Variants in BAZ2B observed in about 807,000 individuals in gnomAD.
BAZ2B encodes bromodomain adjacent to zinc finger domain protein 2B.
BAZ2B carries 91 observed loss-of-function variants against 246.0 expected under a neutral mutation model. The ratio of observed to expected loss-of-function variants is 0.37; its 90% confidence interval spans 0.31 to 0.44. BAZ2B has a LOEUF of 0.44. BAZ2B is among the 20% of genes least tolerant of loss of function. The probability of loss-of-function intolerance (pLI) is 1.00; values close to 1 mark genes in which losing one functional copy is unlikely to be tolerated. For synonymous variants in BAZ2B, 855 were observed against 860.0 expected (o/e 0.99, Z 0.10); for missense variants, 2,332 against 2,533.7 (o/e 0.92, Z 1.71).
the BAZ2B span, among the ~76,000 whole-genome samples, chr2:159,627,842 T>G: frequency 2.0e-5 from 3 of 152,072 alleles, no homozygotes; most frequent in East Asian, 1.9e-4. Flanking sequence ...GAGAAAGAAA[T>G]AAAGGGTATT....
chr2:159,316,278 T>C (rs577863649), downstream of BAZ2B, among the ~76,000 whole-genome samples: 40 of 152,312 alleles, frequency 2.6e-4, no homozygotes, highest in African/African-American at 9.4e-4. Flanking sequence ...AAATTCCTTT[T>C]TTTGTAGAGT....
At chr2:159,436,604 A>C (rs1021761743) in intron 8 of BAZ2B, among the ~76,000 whole-genome samples, 1 of 152,132 alleles carries the variant, frequency 6.6e-6, no homozygotes, top group Non-Finnish European at 1.5e-5. Context: ...CAAAAAAATT[A>C]GCTGGGCATG....
intron 27 of BAZ2B, among the ~76,000 whole-genome samples, chr2:159,372,152 A>G (rs1042270084): frequency 2.0e-5 from 3 of 152,206 alleles, no homozygotes; most frequent in Non-Finnish European, 2.9e-5. Context: ...GACTATAAAC[A>G]TGACATGGAT....
chr2:159,486,036 C>T (rs530663823), intron 2 of BAZ2B, among the ~76,000 whole-genome samples: 122 of 151,904 alleles, frequency 8.0e-4, no homozygotes, highest in African/African-American at 2.9e-3. Flanking sequence ...AAGACGTTAT[C>T]CTAAGACTTA....
chr2:159,450,378 GAA>G (rs35106931), intron 4 of BAZ2B, among the ~76,000 whole-genome samples: 51 of 125,840 alleles, frequency 4.1e-4, no homozygotes, highest in South Asian at 5.0e-4. Context: ...CTCTCTCAAA[GAA>G]AAAAAAAAAA....
chr2:159,704,985 C>T, the BAZ2B span, among the ~76,000 whole-genome samples: 1 of 151,822 alleles, frequency 6.6e-6, no homozygotes. Flanking sequence ...TACGAGCCAC[C>T]ACGCCCAGCC....
chr2:159,351,747 G>C (rs912684021), intron 27 of BAZ2B, among the ~76,000 whole-genome samples: 10 of 151,900 alleles, frequency 6.6e-5, no homozygotes, highest in African/African-American at 2.4e-4. Context: ...GTAAATTTCT[G>C]GTTCATATTT....
chr2:159,677,893 T>TA, the BAZ2B span, among the ~76,000 whole-genome samples: 1 of 152,208 alleles, frequency 6.6e-6, no homozygotes, highest in Non-Finnish European at 1.5e-5. Context: ...CTATATTGTT[T>TA]ACATCCCCAT....
At chr2:159,419,261 A>G (rs2068305576) in intron 13 of BAZ2B, among the ~76,000 whole-genome samples, 1 of 152,188 alleles carries the variant, frequency 6.6e-6, no homozygotes, top group South Asian at 2.1e-4. Flanking sequence ...GTAAGATATG[A>G]AATTACCCTT....
At chr2:159,358,620 C>T (rs1371797835) in intron 27 of BAZ2B, among the ~76,000 whole-genome samples, 1 of 152,218 alleles carries the variant, frequency 6.6e-6, no homozygotes, top group African/African-American at 2.4e-5. Flanking sequence ...ACCTAATAGA[C>T]ATCTACAGAA....
chr2:159,405,117 G>GA lies in BAZ2B; in HGVS notation c.2678-4dup. On this transcript the variant is annotated splice_region_variant and splice_polypyrimidine_tract_variant and intron_variant, in intron 14 of 36. Transcript: ENST00000392783. ...TTGTGCTGCTTGCCTGGCTATTTCT[G>GA]AAAAACACAAAATTTCAAAGAATAT... The GA allele has an allele frequency of 6.2e-7, 1 of 1,613,176 alleles. No homozygotes were observed. The highest frequency in any genetic ancestry group is 8.5e-7 in the Non-Finnish European group (1 of 1,179,734).
At chr2:159,711,107 AGTAAGAGGCAGG>A in the BAZ2B span, among the ~76,000 whole-genome samples, 3 of 152,180 alleles carry the variant, frequency 2.0e-5, no homozygotes, top group Non-Finnish European at 2.9e-5. Flanking sequence ...TAACAAAGGT[AGTAAGAGGCAGG>A]GGTGGAATTT....
At chr2:159,492,827 T>C (rs181565190) in intron 2 of BAZ2B, among the ~76,000 whole-genome samples, 22 of 152,350 alleles carry the variant, frequency 1.4e-4, no homozygotes, top group Non-Finnish European at 2.9e-4. Flanking sequence ...ATCAACACTT[T>C]CAATTCAAAC....
chr2:159,339,504 T>C (rs948855740), intron 31 of BAZ2B, among the ~76,000 whole-genome samples: 10 of 152,088 alleles, frequency 6.6e-5, no homozygotes, highest in African/African-American at 2.2e-4. Context: ...TGAAAAACAG[T>C]GTGAAAGTTC....
chr2:159,527,329 T>C (rs12621763), intron 2 of BAZ2B, among the ~76,000 whole-genome samples: 1 of 152,204 alleles, frequency 6.6e-6, no homozygotes, highest in Non-Finnish European at 1.5e-5. Context: ...GAGTTTTTAG[T>C]TTTTATATAT....
At chr2:159,483,795 C>CCAAAA (rs1322256991) in intron 2 of BAZ2B, among the ~76,000 whole-genome samples, 1 of 149,962 alleles carries the variant, frequency 6.7e-6, no homozygotes, top group East Asian at 2.0e-4. Context: ...AAAAACAAAA[C>CCAAAA]CAAAACAAAA....
intron 2 of BAZ2B, among the ~76,000 whole-genome samples, chr2:159,529,394 C>T (rs1348258844): frequency 1.3e-5 from 2 of 151,996 alleles, no homozygotes; most frequent in Non-Finnish European, 2.9e-5. Flanking sequence ...TCATTGCTCA[C>T]CAACTCTAGC....
intron 2 of BAZ2B, among the ~76,000 whole-genome samples, chr2:159,508,334 T>C (rs189158271): frequency 2.0e-5 from 3 of 152,344 alleles, no homozygotes; most frequent in Admixed American, 2.0e-4. Context: ...TCTTACTTTC[T>C]TGCCAGATCA....
chr2:159,482,669 C>T (rs116554473), intron 2 of BAZ2B, among the ~76,000 whole-genome samples: 5 of 151,832 alleles, frequency 3.3e-5, no homozygotes, highest in African/African-American at 9.7e-5. Flanking sequence ...ATAATTGTAC[C>T]GATATCAATG....
Sources: gnomAD v4.1 joint callset for allele counts (sites outside exome capture counted in the v4.1 genomes callset) on GRCh38, gnomAD v4.1.1 for gene constraint, MANE v1.5 for transcripts, NCBI Gene and HGNC (gene_info 2026-07-23, HGNC 2026-07-21) for gene names.